The following RPS6KA2 variants were observed in gnomAD, a reference collection of about 807,000 sequenced individuals.
RPS6KA2 encodes the protein ribosomal protein S6 kinase alpha-2.
RPS6KA2 carries 42 observed loss-of-function variants against 91.8 expected under a neutral mutation model. The observed-to-expected ratio is 0.46, with a 90% CI of 0.36 to 0.59. The LOEUF is 0.59. RPS6KA2 is among the 20% of genes least tolerant of loss of function. RPS6KA2 has a pLI of 0.00. For missense variants in RPS6KA2, 798 were observed against 978.5 expected (o/e 0.82, Z 2.46); for synonymous variants, 414 against 393.6 (o/e 1.05, Z -0.61).
intron 2 of RPS6KA2, among the ~76,000 whole-genome samples, chr6:166,669,928 G>A (rs12662548): frequency 0.11 from 16,518 of 152,228 alleles, 1,359 homozygotes; most frequent in African/African-American, 0.23. Context: ...CGTGGGGCCC[G>A]GGAAGTCCTA....
At chr6:166,568,567 G>C (rs1188718624) in intron 1 of RPS6KA2, among the ~76,000 whole-genome samples, 1 of 132,686 alleles carries the variant, frequency 7.5e-6, no homozygotes, top group Non-Finnish European at 1.6e-5. Context: ...GCGGAGAGCC[G>C]AGATTGCGCC....
intron 2 of RPS6KA2, among the ~76,000 whole-genome samples, chr6:166,712,583 C>T (rs924775637): frequency 1.3e-5 from 2 of 152,186 alleles, no homozygotes; most frequent in African/African-American, 2.4e-5. Context: ...AAGAGACGCA[C>T]GGACGGGCTG....
intron 14 of RPS6KA2, among the ~76,000 whole-genome samples, chr6:166,447,576 C>T (rs1329839409): frequency 6.6e-6 from 1 of 152,022 alleles, no homozygotes; most frequent in Non-Finnish European, 1.5e-5. Context: ...CTTGAGGATC[C>T]CAGGCCATGC....
intron 1 of RPS6KA2, among the ~76,000 whole-genome samples, chr6:166,569,899 C>T (rs1486405585): frequency 2.6e-5 from 4 of 152,224 alleles, no homozygotes; most frequent in Admixed American, 6.5e-5. Context: ...CCCAATTCTA[C>T]AGTCCCAGGA....
chr6:166,754,424 G>A (rs1455569864), intron 2 of RPS6KA2, among the ~76,000 whole-genome samples: 1 of 152,214 alleles, frequency 6.6e-6, no homozygotes, highest in Non-Finnish European at 1.5e-5. Flanking sequence ...TGGCTTCCAG[G>A]GAAGGAACAG....
At chr6:166,789,406 T>G (rs1014469480) in intron 2 of RPS6KA2, among the ~76,000 whole-genome samples, 2 of 152,264 alleles carry the variant, frequency 1.3e-5, no homozygotes, top group Non-Finnish European at 1.5e-5. Context: ...GAGGCCGGCC[T>G]GCCTGCCTCT....
intron 2 of RPS6KA2, among the ~76,000 whole-genome samples, chr6:166,838,135 C>G (rs1336759298): frequency 6.6e-6 from 1 of 152,230 alleles, no homozygotes; most frequent in African/African-American, 2.4e-5. Flanking sequence ...GGCTTGAAAG[C>G]CCTGTACCAG....
At position 166,770,151 on chromosome 6, in the gene RPS6KA2, C is replaced by T. The variant is rs575533030; in HGVS notation, c.123+88049G>A. On this transcript the variant is annotated intron_variant, in intron 2 of 21. Transcript: ENST00000503859. This position sits in a 1 kb window ranked among gnomAD's most constrained non-coding sequence, Gnocchi z 5.1. ...GCGCGGCCCCAAGGATGATCAATCCCATGGTGTCACAACCACATGTGGCGT... is the reference window on the plus strand; with the variant it reads ...GCGCGGCCCCAAGGATGATCAATCCTATGGTGTCACAACCACATGTGGCGT... Among the ~76,000 whole-genome samples, 1 of 152,334 alleles carries T rather than the reference C, an allele frequency of 6.6e-6. No homozygotes were observed. The highest frequency in any genetic ancestry group is 1.9e-4 in the East Asian group (1 of 5,188).
chr6:166,750,770 T>C (rs1382653761), intron 2 of RPS6KA2, among the ~76,000 whole-genome samples: 1 of 152,186 alleles, frequency 6.6e-6, no homozygotes, highest in Non-Finnish European at 1.5e-5. Context: ...ACAAGGATCA[T>C]ACTGAGGAGG....
chr6:166,473,904 T>C (rs1780861385), intron 10 of RPS6KA2, among the ~76,000 whole-genome samples: 1 of 150,932 alleles, frequency 6.6e-6, no homozygotes, highest in African/African-American at 2.4e-5. Flanking sequence ...AATTTCTTCA[T>C]CACTTAAAGG....
chr6:166,742,127 C>T (rs1006736074), intron 2 of RPS6KA2, among the ~76,000 whole-genome samples: 2 of 152,022 alleles, frequency 1.3e-5, no homozygotes, highest in Non-Finnish European at 2.9e-5. Context: ...AGCGAGACTC[C>T]ATCTCAAAAA....
Position 166,510,367 on chromosome 6 carries a change from A to C in RPS6KA2, c.299-10T>G. ...CTCACTCGGTCCCGAACTGCAAAGT[A>C]AAAAGATAAAGGCTTTCATGAGGCA... On this transcript the variant is annotated splice_polypyrimidine_tract_variant and intron_variant, in intron 3 of 20. Coordinates refer to ENST00000265678, the MANE Select transcript of RPS6KA2 (RefSeq NM_021135.6). The C allele has an allele frequency of 6.4e-7, 1 of 1,568,836 alleles. No individual in the cohort carries two copies. The highest frequency in any genetic ancestry group is 8.7e-7 in the Non-Finnish European group (1 of 1,149,228).
At chr6:166,611,554 C>T (rs150237197) in intron 1 of RPS6KA2, among the ~76,000 whole-genome samples, 1,574 of 152,358 alleles carry the variant, frequency 0.01, 93 homozygotes, top group Admixed American at 0.095. Context: ...ATGTGTGTCA[C>T]AACGCCTTTA....
At chr6:166,535,823 C>T (rs1189779064) in intron 2 of RPS6KA2, among the ~76,000 whole-genome samples, 1 of 152,364 alleles carries the variant, frequency 6.6e-6, no homozygotes, top group Non-Finnish European at 1.5e-5. Flanking sequence ...CCACCCATGG[C>T]CCTGCTCTCT....
Position 166,500,546 on chromosome 6 carries a change from G to A in RPS6KA2, c.604+341C>T, listed in dbSNP as rs528049345. Among the ~76,000 whole-genome samples, 1 of 152,284 alleles carries A rather than the reference G, an allele frequency of 6.6e-6. No homozygotes were observed. Among genetic ancestry groups the A allele is most frequent in the African/African-American group, 2.4e-5 (1 of 41,560 alleles). On this transcript the variant is annotated intron_variant, in intron 7 of 20. Transcript: ENST00000265678. This position sits in a 1 kb window ranked among gnomAD's most constrained non-coding sequence, Gnocchi z 4.3. The stretch of plus-strand genomic sequence containing the variant: ...GGGCATCTGCAAGGCCCACATTGCA[G>A]GCTACACTCCAGCAAGACTCCAGAT...
At chr6:166,602,408 A>G (rs1405532271) in intron 1 of RPS6KA2, among the ~76,000 whole-genome samples, 1 of 152,224 alleles carries the variant, frequency 6.6e-6, no homozygotes, top group Non-Finnish European at 1.5e-5. Flanking sequence ...CAAGGGATGG[A>G]TGCACAAGAT....
intron 1 of RPS6KA2, among the ~76,000 whole-genome samples, chr6:166,552,731 G>T (rs1323036393): frequency 6.6e-6 from 1 of 151,978 alleles, no homozygotes; most frequent in South Asian, 2.1e-4. Context: ...TAGAAAAAAG[G>T]ATTTGGAAAC....
chr6:166,467,434 A>T (rs1244144070), intron 11 of RPS6KA2, among the ~76,000 whole-genome samples: 1 of 152,128 alleles, frequency 6.6e-6, no homozygotes, highest in Admixed American at 6.5e-5. Flanking sequence ...GAAAGTGATA[A>T]GGGATATGAA....
intron 1 of RPS6KA2, chr6:166,586,168 A>T: frequency 1.9e-6 from 3 of 1,567,602 alleles, no homozygotes; most frequent in Non-Finnish European, 2.6e-6. Context: ...TAATGTCCAT[A>T]TTGCTGGGGA....
Sources: gnomAD v4.1 joint callset for allele counts (sites outside exome capture counted in the v4.1 genomes callset) on GRCh38, gnomAD v4.1.1 for gene constraint, Gnocchi (gnomAD v3.1) non-coding constraint, MANE v1.5 for transcripts, NCBI Gene and HGNC (gene_info 2026-07-23, HGNC 2026-07-21) for gene names.